CMTM8: variants seen among roughly 807,000 people sequenced by gnomAD.
The protein encoded by CMTM8 is CKLF like MARVEL transmembrane domain containing 8.
CMTM8 carries 12 observed loss-of-function variants against 18.6 expected under a neutral mutation model. The ratio of observed to expected loss-of-function variants is 0.65; its 90% CI spans 0.41 to 1.05. The LOEUF (loss-of-function observed/expected upper bound fraction) is 1.05, where lower values mean the gene tolerates loss of function less well. Ranked by LOEUF, CMTM8 falls within the 50% of genes least tolerant of loss-of-function variation. The pLI, the probability that CMTM8 is intolerant of heterozygous loss-of-function variation, is 0.00. For synonymous variants in CMTM8, 87 were observed against 90.6 expected, an observed-to-expected ratio of 0.96 and a Z score of 0.23; for missense variants, 217 against 227.2, an observed-to-expected ratio of 0.95 and a Z score of 0.29.
intron 1 of CMTM8, among the ~76,000 whole-genome samples, chr3:32,262,991 G>A (rs1575150305): frequency 6.6e-6 from 1 of 152,346 alleles, no homozygotes; most frequent in East Asian, 1.9e-4. Context: ...AAACCACAGA[G>A]CAGGGCAGTT....
intron 1 of CMTM8, among the ~76,000 whole-genome samples, chr3:32,323,566 C>T (rs1299404340): frequency 1.3e-5 from 2 of 152,148 alleles, no homozygotes; most frequent in African/African-American, 2.4e-5. Flanking sequence ...GACCAGAGAC[C>T]GAATCATCAC....
At chr3:32,270,985 A>G (rs1702431454) in intron 1 of CMTM8, among the ~76,000 whole-genome samples, 1 of 152,210 alleles carries the variant, frequency 6.6e-6, no homozygotes, top group African/African-American at 2.4e-5. Flanking sequence ...ACTTCTGCTA[A>G]AATGATTGAT....
intron 2 of CMTM8, 109 bp from the exon 3 acceptor site, chr3:32,367,763 C>T: frequency 2.9e-6 from 2 of 682,322 alleles, no homozygotes; most frequent in Admixed American, 2.1e-5. Flanking sequence ...CCACAGGTGT[C>T]CACTTGGGCC....
intron 1 of CMTM8, among the ~76,000 whole-genome samples, chr3:32,305,232 C>CTTTT (rs397693052): frequency 1.6e-5 from 2 of 127,544 alleles, no homozygotes; most frequent in East Asian, 2.3e-4. Context: ...TGACTGGAGG[C>CTTTT]TTTTTTTTTT....
chr3:32,355,849 C>T (rs1325842145), intron 1 of CMTM8, among the ~76,000 whole-genome samples: 3 of 152,182 alleles, frequency 2.0e-5, no homozygotes, highest in African/African-American at 4.8e-5. Flanking sequence ...CACGCTGTGT[C>T]CTCTGCCTAT....
intron 1 of CMTM8, among the ~76,000 whole-genome samples, chr3:32,288,677 T>C (rs968127478): frequency 6.6e-6 from 1 of 152,156 alleles, no homozygotes; most frequent in African/African-American, 2.4e-5. Flanking sequence ...ATTTTTTGTA[T>C]TTTTAGTAGA....
intron 1 of CMTM8, among the ~76,000 whole-genome samples, chr3:32,251,286 T>C (rs906428063): frequency 4.6e-5 from 7 of 152,182 alleles, no homozygotes; most frequent in Admixed American, 4.6e-4. Flanking sequence ...ACATTTTAAA[T>C]ATGCTTATTA....
intron 1 of CMTM8, among the ~76,000 whole-genome samples, chr3:32,341,914 C>T (rs1353287390): frequency 6.6e-6 from 1 of 151,920 alleles, no homozygotes; most frequent in African/African-American, 2.4e-5. Context: ...TTTTAACTCA[C>T]TGTGCCTTGG....
chr3:32,349,797 C>T (rs1478504153), intron 1 of CMTM8, among the ~76,000 whole-genome samples: 5 of 152,108 alleles, frequency 3.3e-5, no homozygotes, highest in Non-Finnish European at 7.4e-5. Flanking sequence ...CACTGGAGGT[C>T]AGGAGTTCGA....
At chr3:32,363,861 G>A (rs1696980634) in intron 2 of CMTM8, among the ~76,000 whole-genome samples, 1 of 152,182 alleles carries the variant, frequency 6.6e-6, no homozygotes, top group South Asian at 2.1e-4. Flanking sequence ...TGCACTTTGA[G>A]TAGCACTGAG....
In CMTM8 at chr3:32,238,842, C is replaced by A. The variant is rs867641254; in HGVS notation, c.-131C>A. ...TGGACAGCCCCCGGCGGGCGCCCCC[C>A]TCGCACCTCCTGCCCCGCGCGGGCC... On this transcript the variant is annotated 5_prime_UTR_variant, in exon 1 of 4. Transcript: ENST00000307526. The A allele has an allele frequency of 4.0e-6, 3 of 754,884 alleles. No individual in the cohort carries two copies. In the African/African-American group the frequency reaches 5.6e-5, roughly 14 times the overall value. The allele number at this position is 754,884 out of a possible 1,614,324, so 46.8% of individuals were successfully genotyped here.
At chr3:32,261,648 G>A (rs6778231) in intron 1 of CMTM8, among the ~76,000 whole-genome samples, 144,101 of 152,290 alleles carry the variant, frequency 0.95, 68,634 homozygotes, top group Middle Eastern at 1. Context: ...CACGTTCATT[G>A]TCTCAGTTGA....
intron 1 of CMTM8, among the ~76,000 whole-genome samples, chr3:32,325,725 T>A (rs536341677): frequency 6.6e-6 from 1 of 152,386 alleles, no homozygotes; most frequent in South Asian, 2.1e-4. Flanking sequence ...TTTATTTCTC[T>A]GTGACAGTGC....
At chr3:32,319,331 G>A (rs1236263064) in intron 1 of CMTM8, among the ~76,000 whole-genome samples, 1 of 150,010 alleles carries the variant, frequency 6.7e-6, no homozygotes, top group African/African-American at 2.5e-5. Flanking sequence ...CGCCCACCTC[G>A]GCCTCCCAAA....
intron 1 of CMTM8, among the ~76,000 whole-genome samples, chr3:32,245,400 A>T (rs988939346): frequency 1.3e-5 from 2 of 152,224 alleles, no homozygotes; most frequent in African/African-American, 4.8e-5. Context: ...TGCCAATGTA[A>T]CATCATGTGG....
chr3:32,267,890 A>T (rs2125541769), intron 1 of CMTM8, among the ~76,000 whole-genome samples: 1 of 152,348 alleles, frequency 6.6e-6, no homozygotes, highest in East Asian at 1.9e-4. Flanking sequence ...TCAAAACCAT[A>T]ATGAGATACC....
At chr3:32,290,230 T>C (rs1188819153) in intron 1 of CMTM8, among the ~76,000 whole-genome samples, 1 of 152,248 alleles carries the variant, frequency 6.6e-6, no homozygotes, top group African/African-American at 2.4e-5. Context: ...ATATAAGTCA[T>C]AATACAAAAG....
intron 1 of CMTM8, among the ~76,000 whole-genome samples, chr3:32,290,333 T>C (rs1412042837): frequency 6.6e-6 from 1 of 152,172 alleles, no homozygotes; most frequent in Non-Finnish European, 1.5e-5. Flanking sequence ...AGAAACTTCA[T>C]TGAAAGATAA....
At chr3:32,361,285 A>AGTTTTTTTTTTGTTTTTTTTTTT (rs1350130022) in intron 2 of CMTM8, among the ~76,000 whole-genome samples, 818 of 23,710 alleles carry the variant, frequency 0.035, 15 homozygotes, top group African/African-American at 0.072. Flanking sequence ...CCAGCCTAAG[A>AGTTTTTTTTTTGTTTTTTTTTTT]GTTTTTTTTT....
Sources: gnomAD v4.1 joint callset for allele counts (sites outside exome capture counted in the v4.1 genomes callset) on GRCh38, gnomAD v4.1.1 for gene constraint, MANE v1.5 for transcripts, NCBI Gene and HGNC (gene_info 2026-07-23, HGNC 2026-07-21) for gene names.